Variants in CEP83 observed in about 807,000 individuals in gnomAD.
CEP83 encodes the protein centrosomal protein 83.
A neutral mutation model predicts 101.9 loss-of-function variants in CEP83; 70 were observed. The observed-to-expected ratio is 0.69, with a 90% CI of 0.57 to 0.84. The LOEUF is 0.84. CEP83 is among the 40% of genes least tolerant of loss of function. The probability of loss-of-function intolerance (pLI) is 0.00; values close to 1 mark genes in which losing one functional copy is unlikely to be tolerated. For synonymous variants in CEP83, 264 were observed against 267.9 expected, an observed-to-expected ratio of 0.99 and a Z score of 0.14; for missense variants, 715 against 787.2, an observed-to-expected ratio of 0.91 and a Z score of 1.10.
intron 13 of CEP83, among the ~76,000 whole-genome samples, chr12:94,332,270 A>G (rs1228470585): frequency 6.6e-6 from 1 of 152,236 alleles, no homozygotes; most frequent in Non-Finnish European, 1.5e-5. Flanking sequence ...ATCTTAATGC[A>G]GTATGTCTTC....
chr12:94,354,539 T>C (rs1221787131), intron 11 of CEP83, among the ~76,000 whole-genome samples: 2 of 152,174 alleles, frequency 1.3e-5, no homozygotes, highest in African/African-American at 4.8e-5. Flanking sequence ...ACAGACCATA[T>C]GTTAGGCCAC....
chr12:94,367,186 G>A (rs1408765061), intron 11 of CEP83, among the ~76,000 whole-genome samples: 1 of 151,924 alleles, frequency 6.6e-6, no homozygotes, highest in Non-Finnish European at 1.5e-5. Flanking sequence ...GGCAAAATAT[G>A]AGAATATTTA....
chr12:94,442,784 T>C (rs947318845), intron 1 of CEP83, among the ~76,000 whole-genome samples: 3 of 152,164 alleles, frequency 2.0e-5, no homozygotes, highest in African/African-American at 7.2e-5. Flanking sequence ...AAAAGTCAGT[T>C]ACCACTATCC....
In CEP83 at chr12:94,328,569, A is replaced by G. The variant is rs1402429630; in HGVS notation, c.1707+3131T>C. On this transcript the variant is annotated intron_variant, in intron 14 of 16. Coordinates refer to ENST00000397809, the MANE Select transcript of CEP83 (RefSeq NM_016122.3). ...ATGCTATGACTTTTGGCATTAAAGA[A>G]TCTAAGAAGTCTGTTGCACTCTTAT... 2.0e-5 allele frequency among the ~76,000 whole-genome samples: 3 copies of G among 152,374 alleles called. No homozygotes were observed. In the East Asian group the frequency reaches 5.8e-4, roughly 29 times the overall value.
intron 11 of CEP83, among the ~76,000 whole-genome samples, chr12:94,344,607 A>G (rs2059846771): frequency 6.6e-6 from 1 of 152,184 alleles, no homozygotes; most frequent in African/African-American, 2.4e-5. Context: ...ATATTTAGAA[A>G]TAAAATTGAA....
intron 2 of CEP83, among the ~76,000 whole-genome samples, chr12:94,434,850 T>C (rs1315266484): frequency 6.6e-6 from 1 of 152,246 alleles, no homozygotes; most frequent in East Asian, 1.9e-4. Context: ...GCCTGCATTT[T>C]GACTGCAACC....
chr12:94,274,155 T>TAA, the CEP83 span, among the ~76,000 whole-genome samples: 6,110 of 45,278 alleles, frequency 0.13, 533 homozygotes, highest in Non-Finnish European at 0.15. Flanking sequence ...ACCCTGTCTC[T>TAA]AAAAAAAAAA....
At chr12:94,346,333 G>A (rs75787186) in intron 11 of CEP83, among the ~76,000 whole-genome samples, 5,236 of 151,830 alleles carry the variant, frequency 0.034, 225 homozygotes, top group African/African-American at 0.1. Context: ...GATTATAGGC[G>A]TGGGCCACCG....
intron 2 of CEP83, among the ~76,000 whole-genome samples, chr12:94,418,497 C>A (rs1179007048): frequency 6.6e-6 from 1 of 152,122 alleles, no homozygotes; most frequent in Non-Finnish European, 1.5e-5. Context: ...GAACAATAGA[C>A]AGAAAATAGA....
intron 11 of CEP83, among the ~76,000 whole-genome samples, chr12:94,363,282 C>G (rs2060864296): frequency 6.6e-6 from 1 of 152,182 alleles, no homozygotes; most frequent in African/African-American, 2.4e-5. Flanking sequence ...AAATATCACA[C>G]TGTACCCTGT....
At chr12:94,445,260 T>C (rs191391279) in intron 1 of CEP83, among the ~76,000 whole-genome samples, 13 of 138,368 alleles carry the variant, frequency 9.4e-5, no homozygotes, top group African/African-American at 3.0e-4. Flanking sequence ...CCTGGAACAA[T>C]TGCCTTTTCC....
rs778151984 is a variant in CEP83 at position 94,378,980 on chromosome 12, T to G, written c.612A>C (p.Thr204=). Residue 204 remains threonine (T), a synonymous_variant, in exon 7 of 17, where the codon ACA becomes ACC. Coordinates refer to ENST00000397809, the MANE Select transcript of CEP83 (RefSeq NM_016122.3). ...LRNQLLNVDL[T]KDSKRVEQLA... ...GTTGTTCCACTCGTTTGCTGTCTTT[T>G]GTGAGATCAACATTAAGCAGCTGGT... is the stretch of plus-strand genomic sequence containing the variant. 1 of 1,613,824 alleles carries G rather than the reference T, an allele frequency of 6.2e-7. No homozygotes were observed. Among genetic ancestry groups the G allele is most frequent in the East Asian group, 2.2e-5 (1 of 44,900 alleles).
Position 94,334,483 on chromosome 12 carries a change from A to C in CEP83, c.1420-844T>G, listed in dbSNP as rs546464383. Reference sequence around the variant, plus strand: ...CTATTTTACCAATTAGTAAACAATAAAAGTCCTTATTTTCCTTTCACTTCC... The same window carrying C: ...CTATTTTACCAATTAGTAAACAATACAAGTCCTTATTTTCCTTTCACTTCC... On this transcript the variant is annotated intron_variant, in intron 12 of 16. Coordinates refer to ENST00000397809, the MANE Select transcript of CEP83 (RefSeq NM_016122.3). Among the ~76,000 whole-genome samples the C allele has an allele frequency of 3.7e-4, 57 of 152,284 alleles. 1 individual carries two copies. The highest frequency in any genetic ancestry group is 1.1e-3 in the African/African-American group (47 of 41,572).
At chr12:94,439,550 T>A (rs7974840) in intron 1 of CEP83, among the ~76,000 whole-genome samples, 45,804 of 146,876 alleles carry the variant, frequency 0.31, 7,809 homozygotes, top group Non-Finnish European at 0.37. Flanking sequence ...ACAAAAAAAA[T>A]GCCAACAAAA....
chr12:94,300,876 C>G, the CEP83 span: 5 of 1,589,380 alleles, frequency 3.1e-6, no homozygotes, highest in Non-Finnish European at 2.6e-6. Context: ...ATGAATGGCC[C>G]TATTTGAAAA....
rs759471566 is a variant in CEP83 at position 94,378,999 on chromosome 12, A to G, written c.593T>C (p.Leu198Pro). ...GTCTTTTGTGAGATCAACATTAAGC[A>G]GCTGGTTACGTAGTTCTTCTTTATC... The part of the protein sequence containing the change: ...EEDKEELRNQ[L>P]LNVDLTKDSK... The change falls in exon 7 of 17, where the codon CTG becomes CCG. Residue 198 changes from leucine to proline, a missense_variant. Physicochemically the swap from Leu to Pro is moderately conservative, Grantham distance 98. Coordinates refer to ENST00000397809, the MANE Select transcript of CEP83 (RefSeq NM_016122.3). The G allele has an allele frequency of 6.2e-7, 1 of 1,613,042 alleles. No individual in the cohort carries two copies. The highest frequency in any genetic ancestry group is 8.5e-7 in the Non-Finnish European group (1 of 1,179,176).
At chr12:94,390,481 T>C (rs2062452087) in intron 6 of CEP83, among the ~76,000 whole-genome samples, 1 of 151,724 alleles carries the variant, frequency 6.6e-6, no homozygotes, top group Non-Finnish European at 1.5e-5. Flanking sequence ...GTCAACAACA[T>C]CAAAGACCAA....
intron 14 of CEP83, among the ~76,000 whole-genome samples, chr12:94,319,602 G>A (rs946439570): frequency 3.3e-5 from 5 of 152,088 alleles, no homozygotes; most frequent in African/African-American, 4.8e-5. Flanking sequence ...ATAACTTCTC[G>A]ATTTCTGCCT....
rs796977226 is a variant in CEP83 at position 94,320,481 on chromosome 12, C to CT, written c.1708-7465dup. ...TGTTTCTGTATTGGCTGGTAACCATCTTTTTTTTTTAATGCTCTCTCTCAG... is the reference window on the plus strand; with the variant it reads ...TGTTTCTGTATTGGCTGGTAACCATCTTTTTTTTTTTAATGCTCTCTCTCAG... On this transcript the variant is annotated intron_variant, in intron 14 of 16. Coordinates refer to ENST00000397809, the MANE Select transcript of CEP83 (RefSeq NM_016122.3). 1.2e-3 allele frequency among the ~76,000 whole-genome samples: 174 copies of CT among 146,594 alleles called. 1 individual carries two copies. Among genetic ancestry groups the CT allele is most frequent in the East Asian group, 5.7e-3 (29 of 5,064 alleles).
Sources: gnomAD v4.1 joint callset for allele counts (sites outside exome capture counted in the v4.1 genomes callset) on GRCh38, gnomAD v4.1.1 for gene constraint, MANE v1.5 for transcripts, NCBI Gene and HGNC (gene_info 2026-07-23, HGNC 2026-07-21) for gene names.